Variants in PDPN observed in about 807,000 individuals in gnomAD.
PDPN encodes the protein PA2.26 antigen.
PDPN carries 12 observed loss-of-function variants against 23.2 expected under a neutral mutation model. The observed-to-expected ratio is 0.52, with a 90% CI of 0.33 to 0.84. PDPN has a LOEUF of 0.84. PDPN is among the 40% of genes least tolerant of loss of function. The pLI, the probability that PDPN is intolerant of heterozygous loss-of-function variation, is 0.02. For missense variants in PDPN, 199 were observed against 212.2 expected, an observed-to-expected ratio of 0.94 and a Z score of 0.39; for synonymous variants, 77 against 76.7, an observed-to-expected ratio of 1.00 and a Z score of -0.02.
At position 13,602,460 on chromosome 1, in the gene PDPN, G is replaced by A. The variant is rs185614617; in HGVS notation, c.68-4713G>A. On this transcript the variant is annotated intron_variant, in intron 1 of 5. Coordinates refer to ENST00000621990, the MANE Select transcript of PDPN (RefSeq NM_006474.5). ...AGAAGACAAATGGATGAAACAACTC[G>A]CTCCACAAATCAAAGAAGTGTAAAT... 9.9e-3 allele frequency among the ~76,000 whole-genome samples: 1,500 copies of A among 152,262 alleles called. 16 individuals carry two copies. Among genetic ancestry groups the A allele is most frequent in the Non-Finnish European group, 0.015 (1,054 of 68,012 alleles).
At chr1:13,594,592 AC>A (rs2100223585) in intron 1 of PDPN, among the ~76,000 whole-genome samples, 1 of 152,334 alleles carries the variant, frequency 6.6e-6, no homozygotes, top group South Asian at 2.1e-4. Flanking sequence ...TAATCCATGC[AC>A]TGGCACTTGC....
intron 1 of PDPN, among the ~76,000 whole-genome samples, chr1:13,601,100 G>T (rs1399194309): frequency 6.6e-6 from 1 of 152,200 alleles, no homozygotes; most frequent in East Asian, 1.9e-4. Context: ...GACCCCAAAT[G>T]CACCTGTTTG....
At chr1:13,605,938 G>A (rs1300644422) in intron 1 of PDPN, among the ~76,000 whole-genome samples, 1 of 151,798 alleles carries the variant, frequency 6.6e-6, no homozygotes, top group Admixed American at 6.6e-5. Context: ...CTTTCTCATT[G>A]GCATGACACA....
chr1:13,592,543 ATTTTTTTTTTTT>A lies in PDPN; in HGVS notation c.67+8455_67+8466del, dbSNP rs34176163. Among the ~76,000 whole-genome samples the A allele has an allele frequency of 1.3e-4, 14 of 105,062 alleles. No individual in the cohort carries two copies. In the South Asian group the frequency reaches 3.8e-3, roughly 29 times the overall value. 68.9% of individuals were successfully genotyped at this position (105,062 alleles called of 152,430 possible). The stretch of plus-strand genomic sequence containing the variant: ...CAAGGTACCATTTGTTGAAAAGATG[ATTTTTTTTTTTT>A]TTTTTTTTTTTGAGACAGAGTTTTG... On this transcript the variant is annotated intron_variant, in intron 1 of 5. Transcript: ENST00000621990.
intron 1 of PDPN, among the ~76,000 whole-genome samples, chr1:13,597,030 TAATATAC>T (rs1219883091): frequency 6.6e-6 from 1 of 152,030 alleles, no homozygotes; most frequent in Non-Finnish European, 1.5e-5. Context: ...GATAGAAAAA[TAATATAC>T]AAAAGCCTGT....
At position 13,615,935 on chromosome 1, in the gene PDPN, T is replaced by C; in HGVS notation, c.*24T>C. ...AAAGAGCTGAAGGGTTACGCCCTGC[T>C]GCCAACGTGCTTAAAAAAAGACCGT... On this transcript the variant is annotated 3_prime_UTR_variant, in exon 6 of 6. Transcript: ENST00000621990. 1 of 1,611,124 alleles carries C rather than the reference T, an allele frequency of 6.2e-7. No individual in the cohort carries two copies. The highest frequency in any genetic ancestry group is 8.5e-7 in the Non-Finnish European group (1 of 1,177,286).
chr1:13,606,685 G>A (rs1374640990), intron 1 of PDPN, among the ~76,000 whole-genome samples: 1 of 151,870 alleles, frequency 6.6e-6, no homozygotes, highest in Admixed American at 6.6e-5. Flanking sequence ...AAATTAATTT[G>A]AAAAGGTAGA....
In PDPN at chr1:13,615,951, A is replaced by T; in HGVS notation, c.*40A>T. The T allele has an allele frequency of 1.2e-6, 2 of 1,601,036 alleles. No individual in the cohort carries two copies. Among genetic ancestry groups the T allele is most frequent in the Non-Finnish European group, 1.7e-6 (2 of 1,168,152 alleles). On this transcript the variant is annotated 3_prime_UTR_variant, in exon 6 of 6. Coordinates refer to ENST00000621990, the MANE Select transcript of PDPN (RefSeq NM_006474.5). ...ACGCCCTGCTGCCAACGTGCTTAAA[A>T]AAAGACCGTTTCTGACTCTGTGCCC...
chr1:13,592,739 G>C (rs1041446217), intron 1 of PDPN, among the ~76,000 whole-genome samples: 3 of 151,880 alleles, frequency 2.0e-5, no homozygotes, highest in South Asian at 2.1e-4. Context: ...TAGTAGAGTC[G>C]TGGTTTCTCC....
chr1:13,606,189 C>T (rs754185574), intron 1 of PDPN, among the ~76,000 whole-genome samples: 4 of 151,982 alleles, frequency 2.6e-5, no homozygotes, highest in Non-Finnish European at 5.9e-5. Context: ...AGAGTTTCAC[C>T]GTGTTGGCCA....
In PDPN at chr1:13,583,852, G is replaced by A; in HGVS notation, c.-182G>A. On this transcript the variant is annotated 5_prime_UTR_variant, in exon 1 of 6. Coordinates refer to ENST00000621990, the MANE Select transcript of PDPN (RefSeq NM_006474.5). ...TTCTCAACTGCAAAGTTTGCTGTCC[G>A]GCTGCCTAGGGTCTGGGAAGCTCGG... The A allele has an allele frequency of 6.3e-7, 1 of 1,584,894 alleles. No homozygotes were observed.
At chr1:13,584,459 C>T in intron 1 of PDPN, 1 of 685,768 alleles carries the variant, frequency 1.5e-6, no homozygotes, top group South Asian at 2.0e-5. Flanking sequence ...TCCCATAGAG[C>T]GGTGTGTTGG....
At chr1:13,600,650 C>G (rs1640619992) in intron 1 of PDPN, among the ~76,000 whole-genome samples, 1 of 152,194 alleles carries the variant, frequency 6.6e-6, no homozygotes, top group South Asian at 2.1e-4. Context: ...TAGACGTGAG[C>G]CACCGCGTTG....
At chr1:13,603,690 G>C (rs1039179629) in intron 1 of PDPN, among the ~76,000 whole-genome samples, 2 of 151,602 alleles carry the variant, frequency 1.3e-5, no homozygotes, top group Admixed American at 6.6e-5. Flanking sequence ...CCGAGTTCAA[G>C]TGATTCTCCT....
chr1:13,584,277 C>G, intron 1 of PDPN, 177 bp downstream of exon 1: 3 of 1,528,704 alleles, frequency 2.0e-6, no homozygotes, highest in East Asian at 2.4e-5. Context: ...TTAGTCGGTG[C>G]CAGGTCCCAA....
In PDPN at chr1:13,584,207, G is replaced by T. The variant is rs766209465; in HGVS notation, c.67+107G>T. ...ATTCGAGGTTGTCCAGGGGAGCGCG[G>T]GGGAGCTGAGGGTGTGTGCGTGTCA... On this transcript the variant is annotated intron_variant, in intron 1 of 5. Coordinates refer to ENST00000621990, the MANE Select transcript of PDPN (RefSeq NM_006474.5). 24 of 1,518,968 alleles carry T rather than the reference G, an allele frequency of 1.6e-5. No individual in the cohort carries two copies. In the African/African-American group the frequency reaches 3.0e-4, roughly 19 times the overall value. The allele number at this position is 1,518,968 out of a possible 1,614,324, so 94.1% of individuals were successfully genotyped here.
rs75305594 is a variant in PDPN, at chr1:13,590,543, C to G, written c.67+6443C>G. 9.1e-4 allele frequency among the ~76,000 whole-genome samples: 139 copies of G among 152,194 alleles called. 1 individual carries two copies. The East Asian group carries it at 0.026, about 28-fold the overall frequency. On this transcript the variant is annotated intron_variant, in intron 1 of 5. Coordinates refer to ENST00000621990, the MANE Select transcript of PDPN (RefSeq NM_006474.5). ...TGGTGGGGTTGGTTGGAGCAGGTGG[C>G]AGGGACAGTTGGTCTAGGCAGAAGA... is the stretch of plus-strand genomic sequence containing the variant.
At chr1:13,598,632 G>A (rs1395404906) in intron 1 of PDPN, among the ~76,000 whole-genome samples, 4 of 151,870 alleles carry the variant, frequency 2.6e-5, no homozygotes, top group Non-Finnish European at 5.9e-5. Flanking sequence ...CCTTAAAACA[G>A]TTCTACCGAA....
chr1:13,614,463 T>A, intron 5 of PDPN, 52 bp downstream of exon 5: 1 of 935,900 alleles, frequency 1.1e-6, no homozygotes, highest in Non-Finnish European at 1.7e-6. Flanking sequence ...CCATCGTGTC[T>A]AGAACTCAAA....
Sources: gnomAD v4.1 joint callset for allele counts (sites outside exome capture counted in the v4.1 genomes callset) on GRCh38, gnomAD v4.1.1 for gene constraint, MANE v1.5 for transcripts, NCBI Gene and HGNC (gene_info 2026-07-23, HGNC 2026-07-21) for gene names.